The following STPG2 variants were observed in gnomAD, a reference collection of about 807,000 sequenced individuals.
The protein encoded by STPG2 is sperm tail PG-rich repeat containing 2.
In STPG2, 56 loss-of-function variants were observed where a neutral mutation model predicts 54.2. That is an observed-to-expected ratio of 1.03 (90% CI 0.83 to 1.29). STPG2 has a LOEUF of 1.29. Ranked by LOEUF, STPG2 falls within the 50% of genes most tolerant of loss-of-function variation. STPG2 has a pLI of 0.00. For missense variants in STPG2, 596 were observed against 544.9 expected (o/e 1.09, Z -0.93); for synonymous variants, 200 against 181.8 (o/e 1.10, Z -0.81).
At chr4:97,523,456 C>T (rs923632909) in intron 4 of STPG2, among the ~76,000 whole-genome samples, 1 of 151,782 alleles carries the variant, frequency 6.6e-6, no homozygotes, top group Non-Finnish European at 1.5e-5. Context: ...TTTTCAAAAC[C>T]CTTTCAAGGC....
At chr4:97,988,335 C>G (rs368718616) in intron 5 of STPG2, among the ~76,000 whole-genome samples, 1 of 151,972 alleles carries the variant, frequency 6.6e-6, no homozygotes, top group Non-Finnish European at 1.5e-5. Context: ...TTTTTTTAAC[C>G]TTATTATTTA....
chr4:97,632,285 G>GT (rs72316841), intron 10 of STPG2, among the ~76,000 whole-genome samples: 13,353 of 140,778 alleles, frequency 0.095, 1,669 homozygotes, highest in African/African-American at 0.3. Context: ...AAGCTTATTG[G>GT]TTTTTTTTTT....
intron 9 of STPG2, among the ~76,000 whole-genome samples, chr4:97,821,400 G>C (rs1426118135): frequency 6.6e-6 from 1 of 152,184 alleles, no homozygotes; most frequent in African/African-American, 2.4e-5. Context: ...ACTCTCACAG[G>C]TTGGAGTTCA....
intron 10 of STPG2, among the ~76,000 whole-genome samples, chr4:97,583,914 A>G (rs1369796765): frequency 6.6e-6 from 1 of 151,902 alleles, no homozygotes; most frequent in Non-Finnish European, 1.5e-5. Flanking sequence ...GATACACAGC[A>G]AGACAATAGT....
intron 5 of STPG2, among the ~76,000 whole-genome samples, chr4:97,998,457 C>A (rs573794929): frequency 6.6e-6 from 1 of 152,136 alleles, no homozygotes; most frequent in Admixed American, 6.6e-5. Flanking sequence ...CCAGCTGATA[C>A]GACATGGACT....
chr4:97,985,579 T>A (rs1734803890), intron 5 of STPG2, among the ~76,000 whole-genome samples: 1 of 152,220 alleles, frequency 6.6e-6, no homozygotes, highest in South Asian at 2.1e-4. Flanking sequence ...GTCTACTTTG[T>A]TAATTGTGTT....
At chr4:97,969,482 C>A (rs1452635519) in intron 7 of STPG2, among the ~76,000 whole-genome samples, 2 of 152,186 alleles carry the variant, frequency 1.3e-5, no homozygotes, top group African/African-American at 2.4e-5. Flanking sequence ...ATCACAGGAC[C>A]AAAAGGCAGT....
intron 8 of STPG2, among the ~76,000 whole-genome samples, chr4:97,849,965 T>C (rs891520216): frequency 6.6e-6 from 1 of 151,916 alleles, no homozygotes; most frequent in African/African-American, 2.4e-5. Context: ...TAAAGACACA[T>C]GCACACGTAT....
At chr4:98,015,087 C>T (rs1398805137) in intron 5 of STPG2, among the ~76,000 whole-genome samples, 2 of 151,838 alleles carry the variant, frequency 1.3e-5, no homozygotes, top group African/African-American at 4.8e-5. Flanking sequence ...AAGGTAAGAC[C>T]TAAAAGCATA....
intron 9 of STPG2, among the ~76,000 whole-genome samples, chr4:97,747,973 T>C (rs1430039625): frequency 6.6e-6 from 1 of 151,514 alleles, no homozygotes; most frequent in Non-Finnish European, 1.5e-5. Context: ...GGAAATCTTC[T>C]AGGATGATTT....
At chr4:97,626,294 A>G (rs1734136605) in intron 10 of STPG2, among the ~76,000 whole-genome samples, 1 of 152,150 alleles carries the variant, frequency 6.6e-6, no homozygotes, top group Non-Finnish European at 1.5e-5. Flanking sequence ...AGTATACACA[A>G]TGCTCTTTCA....
intron 4 of STPG2, among the ~76,000 whole-genome samples, chr4:97,495,930 C>G (rs1394819818): frequency 6.6e-6 from 1 of 151,252 alleles, no homozygotes; most frequent in Non-Finnish European, 1.5e-5. Flanking sequence ...CTGTTTTTTC[C>G]TTAAATTTTA....
chr4:98,125,168 C>A (rs759442601), intron 3 of STPG2, among the ~76,000 whole-genome samples: 2 of 152,190 alleles, frequency 1.3e-5, no homozygotes, highest in Non-Finnish European at 2.9e-5. Flanking sequence ...CTGAAGCCTA[C>A]TTCTATCAAT....
chr4:97,964,300 G>A (rs763846495), intron 7 of STPG2, among the ~76,000 whole-genome samples: 4 of 152,282 alleles, frequency 2.6e-5, no homozygotes, highest in South Asian at 2.1e-4. Context: ...TTCTGGGAAC[G>A]TGGATCTTTT....
intron 4 of STPG2, among the ~76,000 whole-genome samples, chr4:97,533,437 G>A (rs1414984716): frequency 6.6e-6 from 1 of 151,688 alleles, no homozygotes. Context: ...TTTTATTAAA[G>A]TGTAGTTTAT....
chr4:97,540,771 A>G (rs1371357941), intron 4 of STPG2, among the ~76,000 whole-genome samples: 1 of 152,154 alleles, frequency 6.6e-6, no homozygotes, highest in Non-Finnish European at 1.5e-5. Flanking sequence ...CTTATCCACC[A>G]TGACAAAGTG....
intron 5 of STPG2, chr4:98,048,662 A>T (rs563254097): frequency 6.4e-6 from 1 of 155,758 alleles, no homozygotes; most frequent in Non-Finnish European, 1.4e-5. Flanking sequence ...AGCACACCGC[A>T]GACTCAACTC....
At chr4:97,635,299 T>C (rs1472784653) in intron 10 of STPG2, among the ~76,000 whole-genome samples, 2 of 152,224 alleles carry the variant, frequency 1.3e-5, no homozygotes, top group Non-Finnish European at 2.9e-5. Context: ...CTGAGAGATT[T>C]TGTCACCACT....
chr4:97,462,628 A>G (rs536098855), intron 4 of STPG2, among the ~76,000 whole-genome samples: 1 of 151,686 alleles, frequency 6.6e-6, no homozygotes, highest in African/African-American at 2.4e-5. Flanking sequence ...ATCTTTTGTT[A>G]GTTCTTTTTG....
Sources: allele counts gnomAD v4.1 joint callset (sites outside exome capture counted in the v4.1 genomes callset), GRCh38; gene constraint gnomAD v4.1.1; transcripts MANE v1.5; gene names NCBI Gene and HGNC (gene_info 2026-07-23, HGNC 2026-07-21).